Variants in RACGAP1 observed in about 807,000 individuals in gnomAD.
The protein encoded by RACGAP1 is Rac GTPase activating protein 1.
In RACGAP1, 30 loss-of-function variants were observed where a neutral mutation model predicts 78.1. That is an observed-to-expected ratio of 0.38 (90% confidence interval 0.29 to 0.52). RACGAP1 has a LOEUF of 0.52. RACGAP1 is among the 20% of genes least tolerant of loss of function. RACGAP1 has a pLI of 0.82. For synonymous variants in RACGAP1, 231 were observed against 264.8 expected, an observed-to-expected ratio of 0.87 and a Z score of 1.24; for missense variants, 587 against 777.1, an observed-to-expected ratio of 0.76 and a Z score of 2.91.
At chr12:50,031,788 C>A in exon 2 of RACGAP1, 1 of 984,396 alleles carries the variant, frequency 1.0e-6, no homozygotes, top group Non-Finnish European at 1.2e-6. Flanking sequence ...TTTCATACTC[C>A]TGATTTGTTT....
Position 49,997,062 on chromosome 12 carries a change from C to T in RACGAP1, c.1022G>A (p.Gly341Glu), listed in dbSNP as rs1948340438. The change falls in exon 10 of 17, where the codon GGA (glycine) becomes GAA (glutamate). Residue 341 changes from glycine to glutamate, a missense_variant. Gly to Glu is a moderately conservative substitution (Grantham distance 98, BLOSUM62 -2). Coordinates refer to ENST00000312377, the MANE Select transcript of RACGAP1 (RefSeq NM_001319999.2). ...CPLPCIPTLI[G>E]TPVKIGEGML... ...TACCTCTCCAATCTTGACAGGTGTTCCTATCAGGGTAGGAATGCAGGGAAG... is the reference window on the plus strand; with the variant it reads ...TACCTCTCCAATCTTGACAGGTGTTTCTATCAGGGTAGGAATGCAGGGAAG... 4.5e-6 allele frequency: 7 copies of T among 1,557,384 alleles called. No individual in the cohort carries two copies. Among genetic ancestry groups the T allele is most frequent in the Non-Finnish European group, 6.1e-6 (7 of 1,142,688 alleles).
At chr12:49,999,858 CT>C (rs1268966497) in intron 7 of RACGAP1, 125 bp from the exon 8 acceptor site, 556 of 688,512 alleles carry the variant, frequency 8.1e-4, no homozygotes, top group Non-Finnish European at 9.3e-4. Flanking sequence ...CAGTCTGATA[CT>C]TTTTTTTTGA....
At chr12:50,000,789 C>A (rs1305443486) in intron 7 of RACGAP1, among the ~76,000 whole-genome samples, 2 of 152,168 alleles carry the variant, frequency 1.3e-5, no homozygotes, top group Admixed American at 6.5e-5. Context: ...GAGGCTCACG[C>A]CTGTAATCCC....
chr12:50,012,460 C>A (rs142840979), intron 2 of RACGAP1, among the ~76,000 whole-genome samples: 340 of 152,176 alleles, frequency 2.2e-3, no homozygotes, highest in African/African-American at 7.6e-3. Context: ...ACTCGGGAGG[C>A]TGAGGCAGGA....
At chr12:50,017,150 C>G (rs924994418) in intron 1 of RACGAP1, 1 of 910,528 alleles carries the variant, frequency 1.1e-6, no homozygotes. Flanking sequence ...TCATTTTTAG[C>G]TAATGCCCCT....
At chr12:50,009,981 T>C (rs909897411) in intron 2 of RACGAP1, among the ~76,000 whole-genome samples, 1 of 152,258 alleles carries the variant, frequency 6.6e-6, no homozygotes, top group Non-Finnish European at 1.5e-5. Context: ...AAAAAAATCC[T>C]GTCTCTGAAA....
chr12:50,005,472 A>G, intron 3 of RACGAP1, 80 bp from the exon 4 acceptor site: 2 of 1,527,934 alleles, frequency 1.3e-6, no homozygotes, highest in South Asian at 2.3e-5. Context: ...CAGGCAGACC[A>G]GAAGACATTA....
chr12:49,990,690 G>GTGT lies in RACGAP1; in HGVS notation c.1814_1816dup (p.Asn605dup). ...GAAGGCCAATTCTGCATACCTAGGA[G>GTGT]TGTTCTTGGTGAGGGTGGAACGGAC... On this transcript the variant is annotated inframe_insertion, in exon 16 of 17. Coordinates refer to ENST00000312377, the MANE Select transcript of RACGAP1 (RefSeq NM_001319999.2). 6.2e-7 allele frequency: 1 copy of GTGT among 1,608,044 alleles called. No homozygotes were observed.
chr12:50,006,384 C>T (rs753703247), intron 3 of RACGAP1, 50 bp downstream of exon 3: 6 of 1,584,068 alleles, frequency 3.8e-6, no homozygotes, highest in Admixed American at 1.7e-5. Flanking sequence ...TCAGACAATG[C>T]CTTCCCCCTC....
chr12:50,005,591 T>A (rs957086629), intron 3 of RACGAP1, among the ~76,000 whole-genome samples, 199 bp from the exon 4 acceptor site: 6 of 152,228 alleles, frequency 3.9e-5, no homozygotes, highest in African/African-American at 1.4e-4. Context: ...TAAAATGAAC[T>A]ACATCTAGAA....
intron 4 of RACGAP1, 33 bp from the exon 5 acceptor site, chr12:50,004,337 G>A (rs1235955222): frequency 1.3e-6 from 2 of 1,560,474 alleles, no homozygotes; most frequent in African/African-American, 1.3e-5. Context: ...CGTTAGACAT[G>A]GTAGACTGTG....
upstream of RACGAP1, among the ~76,000 whole-genome samples, chr12:50,026,046 A>C (rs778674514): frequency 1.3e-5 from 2 of 152,240 alleles, no homozygotes; most frequent in Non-Finnish European, 2.9e-5. Flanking sequence ...AGAAAACAAA[A>C]ATAAATACAA....
At chr12:49,992,472 C>T in intron 13 of RACGAP1, 78 bp downstream of exon 13, 1 of 1,586,706 alleles carries the variant, frequency 6.3e-7, no homozygotes. Context: ...CCCTCATACT[C>T]CCAAACACTC....
At chr12:49,995,670 T>C (rs1393274235) in intron 10 of RACGAP1, among the ~76,000 whole-genome samples, 1 of 152,128 alleles carries the variant, frequency 6.6e-6, no homozygotes, top group Non-Finnish European at 1.5e-5. Flanking sequence ...TATTTATTTA[T>C]TCTTTGTAGA....
At chr12:50,011,562 A>C (rs1213384832) in intron 2 of RACGAP1, among the ~76,000 whole-genome samples, 6 of 152,104 alleles carry the variant, frequency 3.9e-5, no homozygotes, top group Non-Finnish European at 5.9e-5. Context: ...CCTTGTCTCT[A>C]CAAAAAATAG....
chr12:50,009,391 GATTT>G (rs1487505826), intron 2 of RACGAP1, among the ~76,000 whole-genome samples: 15 of 152,014 alleles, frequency 9.9e-5, no homozygotes, highest in African/African-American at 3.6e-4. Context: ...GGTGATCTTT[GATTT>G]ATTTAAAATT....
chr12:50,023,720 A>G (rs938993850), intron 1 of RACGAP1, among the ~76,000 whole-genome samples: 8 of 151,598 alleles, frequency 5.3e-5, no homozygotes, highest in Non-Finnish European at 1.2e-4. Flanking sequence ...ACCACAGAGC[A>G]AGACTCCTTC....
In RACGAP1 at chr12:50,005,121, A is replaced by T. The variant is rs544457124; in HGVS notation, c.425+135T>A. ...ATCCCTGTGCCTTTATTCCCCACCT[A>T]CTCTCCCCACAAAATCTTTTTCTGC... is the stretch of plus-strand genomic sequence containing the variant. On this transcript the variant is annotated intron_variant, in intron 4 of 16. Coordinates refer to ENST00000312377, the MANE Select transcript of RACGAP1 (RefSeq NM_001319999.2). The T allele has an allele frequency of 2.5e-5, 32 of 1,280,434 alleles. 1 individual carries two copies. In the East Asian group the frequency reaches 4.7e-4, roughly 19 times the overall value. The allele number at this position is 1,280,434 out of a possible 1,614,324, so 79.3% of individuals were successfully genotyped here.
chr12:50,007,760 C>A (rs1949055690), intron 2 of RACGAP1, among the ~76,000 whole-genome samples: 1 of 152,078 alleles, frequency 6.6e-6, no homozygotes, highest in East Asian at 1.9e-4. Flanking sequence ...TTAGTTTTTA[C>A]AAACCACAAA....
Sources: gnomAD v4.1 joint callset for allele counts (sites outside exome capture counted in the v4.1 genomes callset) on GRCh38, gnomAD v4.1.1 for gene constraint, MANE v1.5 for transcripts, NCBI Gene and HGNC (gene_info 2026-07-23, HGNC 2026-07-21) for gene names.